USP29: variants seen among roughly 807,000 people sequenced by gnomAD.
USP29 encodes ubiquitin carboxyl-terminal hydrolase 29.
For synonymous variants in USP29, 386 were observed against 387.4 expected (o/e 1.00, Z 0.04); for missense variants, 1,102 against 1,069.0 (o/e 1.03, Z -0.43).
At position 57,131,587 on chromosome 19, in the gene USP29, A is replaced by T; in HGVS notation, c.*143A>T. 1.5e-6 allele frequency: 2 copies of T among 1,370,382 alleles called. No individual in the cohort carries two copies. The highest frequency in any genetic ancestry group is 2.0e-6 in the Non-Finnish European group (2 of 1,015,994). 84.9% of individuals were successfully genotyped at this position (1,370,382 alleles called of 1,614,324 possible). On this transcript the variant is annotated 3_prime_UTR_variant, in exon 4 of 4. Transcript: ENST00000254181. ...TGAAAAACACTTATTTTGGGGGAAT[A>T]TCTATTTTAACTGCTTCAGACACCT... is the stretch of plus-strand genomic sequence containing the variant.
At chr19:57,123,303 T>TA (rs2086807416) in intron 2 of USP29, among the ~76,000 whole-genome samples, 1 of 152,174 alleles carries the variant, frequency 6.6e-6, no homozygotes, top group African/African-American at 2.4e-5. Context: ...AAACCTGTAA[T>TA]AAAAGTCACT....
In USP29 at chr19:57,131,285, G is replaced by T; in HGVS notation, c.2610G>T (p.Gln870His). ...CVSEISETKMQEARLHSGYIF... is the reference protein window; with the variant it reads ...CVSEISETKMHEARLHSGYIF... ...CAGAAATCTCAGAGACCAAAATGCA[G>T]GAGGCGAGGCTTCACTCTGGGTATA... Residue 870 changes from glutamine to histidine, a missense_variant, in exon 4 of 4, where the codon CAG (glutamine) becomes CAT (histidine). Coordinates refer to ENST00000254181, the MANE Select transcript of USP29 (RefSeq NM_020903.3). 1 of 1,614,200 alleles carries T rather than the reference G, an allele frequency of 6.2e-7. No individual in the cohort carries two copies. Among genetic ancestry groups the T allele is most frequent in the Non-Finnish European group, 8.5e-7 (1 of 1,180,044 alleles).
chr19:57,128,576 T>A (rs2086835459), intron 3 of USP29, 84 bp from the exon 4 acceptor site: 5 of 1,309,602 alleles, frequency 3.8e-6, no homozygotes, highest in Non-Finnish European at 5.1e-6. Flanking sequence ...AAATAAATCA[T>A]TATTATATGT....
chr19:57,130,035 C>T lies in USP29; in HGVS notation c.1360C>T (p.Leu454Phe), dbSNP rs372145465. 8 of 1,613,970 alleles carry T rather than the reference C, an allele frequency of 5.0e-6. No individual in the cohort carries two copies. The highest frequency in any genetic ancestry group is 6.8e-6 in the Non-Finnish European group (8 of 1,180,020). The change falls in exon 4 of 4, where the codon CTC (leucine) becomes TTC (phenylalanine). Residue 454 changes from leucine (L) to phenylalanine (F), a missense_variant. Coordinates refer to ENST00000254181, the MANE Select transcript of USP29 (RefSeq NM_020903.3). The part of the protein sequence containing the change: ...AVLKVEPNNY[L>F]SINLHQETKP... Reference sequence around the variant, plus strand: ...TCTCAAGGTAGAACCTAATAATTATCTCTCCATCAACCTGCACCAAGAAAC... The same window carrying T: ...TCTCAAGGTAGAACCTAATAATTATTTCTCCATCAACCTGCACCAAGAAAC...
At position 57,129,493 on chromosome 19, in the gene USP29, A is replaced by G. The variant is rs1465297258; in HGVS notation, c.818A>G (p.Gln273Arg). 6.2e-7 allele frequency: 1 copy of G among 1,614,128 alleles called. No individual in the cohort carries two copies. The highest frequency in any genetic ancestry group is 8.5e-7 in the Non-Finnish European group (1 of 1,180,060). Residue 273 changes from glutamine (Q) to arginine (R), a missense_variant, in exon 4 of 4, where the codon CAG (glutamine) becomes CGG (arginine). Physicochemically the swap from Gln to Arg is conservative, Grantham distance 43. Coordinates refer to ENST00000254181, the MANE Select transcript of USP29 (RefSeq NM_020903.3). ...SQGDPRCNKA[Q>R]VPLDSHSQQL... ...GGTGACCCAAGATGCAACAAAGCCC[A>G]GGTGCCTCTTGACTCTCATTCACAG...
Position 57,131,249 on chromosome 19 carries a change from T to C in USP29, c.2574T>C (p.Asp858=), listed in dbSNP as rs750772204. 3 of 1,614,164 alleles carry C rather than the reference T, an allele frequency of 1.9e-6. No individual in the cohort carries two copies. In the Admixed American group the frequency reaches 5.0e-5, roughly 27 times the overall value. ...FQKQAWFTYN[D]LCVSEISETK... ...AGCAGGCCTGGTTCACATACAACGA[T>C]CTATGTGTATCAGAAATCTCAGAGA... The change falls in exon 4 of 4, where the codon GAT becomes GAC. Residue 858 remains aspartate, a synonymous_variant. Coordinates refer to ENST00000254181, the MANE Select transcript of USP29 (RefSeq NM_020903.3).
In USP29 at chr19:57,130,834, A is replaced by G. The variant is rs2086854965; in HGVS notation, c.2159A>G (p.Glu720Gly). ...ESTNGFYDCKENRIPEGSQGM... is the reference protein window; with the variant it reads ...ESTNGFYDCKGNRIPEGSQGM... ...ACCAATGGCTTTTATGACTGTAAAG[A>G]AAACAGGATTCCAGAAGGATCTCAA... The change falls in exon 4 of 4, where the codon GAA becomes GGA. Residue 720 changes from glutamate to glycine, a missense_variant. Glu to Gly is a moderately conservative substitution (Grantham distance 98). Coordinates refer to ENST00000254181, the MANE Select transcript of USP29 (RefSeq NM_020903.3). 3 of 1,614,200 alleles carry G rather than the reference A, an allele frequency of 1.9e-6. No homozygotes were observed. The highest frequency in any genetic ancestry group is 1.3e-5 in the African/African-American group (1 of 75,046).
In USP29 at chr19:57,131,425, CTT is replaced by C. The variant is rs773643563; in HGVS notation, c.2752_2753del (p.Leu918ValfsTer62). ...CCTCAGGGGGAATACGAAGGTGACTCTTTGTACAGACCTGCTTGACAGACTCA... is the reference window on the plus strand; with the variant it reads ...CCTCAGGGGGAATACGAAGGTGACTCTGTACAGACCTGCTTGACAGACTCA... On this transcript the variant is annotated frameshift_variant, in exon 4 of 4. Coordinates refer to ENST00000254181, the MANE Select transcript of USP29 (RefSeq NM_020903.3). LOFTEE classifies it high-confidence loss of function. 108 of 1,612,138 alleles carry C rather than the reference CTT, an allele frequency of 6.7e-5. No individual in the cohort carries two copies. The highest frequency in any genetic ancestry group is 1.3e-5 in the African/African-American group (1 of 74,868).
chr19:57,124,372 C>T (rs1191829699), intron 3 of USP29, among the ~76,000 whole-genome samples: 1 of 149,900 alleles, frequency 6.7e-6, no homozygotes. Context: ...TCATATTTCC[C>T]TTTCTCTGTC....
At chr19:57,119,227 G>A (rs2086779879), upstream of USP29, 2 of 152,216 alleles carry the variant, frequency 1.3e-5, no homozygotes, top group South Asian at 2.1e-4. Flanking sequence ...GTGAGGTCCC[G>A]CGGCGCCTCC....
In USP29 at chr19:57,131,664, G is replaced by C; in HGVS notation, c.*220G>C. ...ATATTTTCCCTGCAAGATTAGAATG[G>C]TGCTCTTCACGTTTTGACGGTGGTT... On this transcript the variant is annotated 3_prime_UTR_variant, in exon 4 of 4. Transcript: ENST00000254181. 1.5e-6 allele frequency: 1 copy of C among 665,728 alleles called. No individual in the cohort carries two copies. Among genetic ancestry groups the C allele is most frequent in the Non-Finnish European group, 2.4e-6 (1 of 421,362 alleles). 41.2% of individuals were successfully genotyped at this position (665,728 alleles called of 1,614,324 possible).
intron 1 of USP29, among the ~76,000 whole-genome samples, chr19:57,120,664 G>A (rs1019731923): frequency 6.6e-6 from 1 of 151,536 alleles, no homozygotes; most frequent in Non-Finnish European, 1.5e-5. Context: ...GTGGGTGCCT[G>A]TAATCCCAGC....
intron 3 of USP29, among the ~76,000 whole-genome samples, 156 bp downstream of exon 3, chr19:57,124,295 TA>T (rs1487094003): frequency 1.4e-5 from 2 of 145,864 alleles, no homozygotes; most frequent in African/African-American, 5.6e-5. Flanking sequence ...AGATATTTTT[TA>T]TTTTTTCTGA....
At position 57,130,905 on chromosome 19, in the gene USP29, G is replaced by T; in HGVS notation, c.2230G>T (p.Asp744Tyr). ...LQQCIEESII[D>Y]EFLQQAPPPG... is the part of the protein sequence containing the mutation. ...GCAGTGTATTGAGGAGAGCATCATA[G>T]ATGAATTTCTTCAGCAGGCACCACC... The change falls in exon 4 of 4, where the codon GAT (aspartate) becomes TAT (tyrosine). Residue 744 changes from aspartate to tyrosine, a missense_variant. Physicochemically the swap from Asp to Tyr is radical, Grantham distance 160. Coordinates refer to ENST00000254181, the MANE Select transcript of USP29 (RefSeq NM_020903.3). 1 of 1,614,164 alleles carries T rather than the reference G, an allele frequency of 6.2e-7. No homozygotes were observed.
rs2086863265 is a variant in USP29 at position 57,131,816 on chromosome 19, A to C, written c.*372A>C. On this transcript the variant is annotated 3_prime_UTR_variant, in exon 4 of 4. Transcript: ENST00000254181. ...GGTGTGAGCCAGCAATCAGATGGAG[A>C]TTCTAGTGCTCATGAAAGTTTGAAG... is the stretch of plus-strand genomic sequence containing the variant. 4.6e-6 allele frequency: 1 copy of C among 216,444 alleles called. No homozygotes were observed. The highest frequency in any genetic ancestry group is 1.0e-5 in the Non-Finnish European group (1 of 100,288). 13.4% of individuals were successfully genotyped at this position (216,444 alleles called of 1,614,324 possible).
At chr19:57,123,866 C>CA in intron 2 of USP29, among the ~76,000 whole-genome samples, 173 bp from the exon 3 acceptor site, 1 of 152,284 alleles carries the variant, frequency 6.6e-6, no homozygotes, top group East Asian at 1.9e-4. Flanking sequence ...ATCCCATTAA[C>CA]ACAGGAGGTT....
chr19:57,122,866 G>A (rs996216586), intron 2 of USP29, among the ~76,000 whole-genome samples: 1 of 152,058 alleles, frequency 6.6e-6, no homozygotes, highest in African/African-American at 2.4e-5. Context: ...TTAAATTTAA[G>A]GTCCAGTGAG....
chr19:57,125,512 T>A (rs781268343), intron 3 of USP29, among the ~76,000 whole-genome samples: 1 of 152,048 alleles, frequency 6.6e-6, no homozygotes, highest in Non-Finnish European at 1.5e-5. Flanking sequence ...CCTTTACCAT[T>A]ATGTAATGCC....
At chr19:57,124,342 G>GGT in intron 3 of USP29, among the ~76,000 whole-genome samples, 1 of 139,876 alleles carries the variant, frequency 7.1e-6, no homozygotes, top group African/African-American at 2.6e-5. Context: ...TTCCCTTCAT[G>GGT]TTTTTTTTTT....
Sources: gnomAD v4.1 joint callset for allele counts (sites outside exome capture counted in the v4.1 genomes callset) on GRCh38, gnomAD v4.1.1 for gene constraint, MANE v1.5 for transcripts, NCBI Gene and HGNC (gene_info 2026-07-23, HGNC 2026-07-21) for gene names.